CCDC102B: variants seen among roughly 807,000 people sequenced by gnomAD.
CCDC102B encodes coiled-coil domain containing 102B.
Under a neutral mutation model 57.4 loss-of-function variants are expected in CCDC102B, and 75 were observed. The ratio of observed to expected loss-of-function variants is 1.31; its 90% CI spans 1.08 to 1.58. The LOEUF (loss-of-function observed/expected upper bound fraction) is 1.58. Among genes scored for constraint, CCDC102B ranks in the 40% most tolerant of loss-of-function variants. The pLI is 0.00. For synonymous variants in CCDC102B, 206 were observed against 201.9 expected (o/e 1.02, Z -0.17); for missense variants, 636 against 582.6 (o/e 1.09, Z -0.94).
chr18:68,820,988 G>GC (rs2062988059), intron 1 of CCDC102B, among the ~76,000 whole-genome samples: 1 of 152,134 alleles, frequency 6.6e-6, no homozygotes, highest in Non-Finnish European at 1.5e-5. Context: ...GAAATAGACT[G>GC]CCTCATTTCT....
At chr18:68,818,781 A>C (rs2036587411) in intron 1 of CCDC102B, among the ~76,000 whole-genome samples, 1 of 152,162 alleles carries the variant, frequency 6.6e-6, no homozygotes. Context: ...AGATACATTC[A>C]ATTTTGAGCA....
intron 6 of CCDC102B, among the ~76,000 whole-genome samples, chr18:68,899,606 A>G (rs187524995): frequency 2.6e-5 from 4 of 152,212 alleles, no homozygotes; most frequent in Admixed American, 2.6e-4. Flanking sequence ...ATCTCTTACT[A>G]CATGACATTT....
At chr18:68,858,835 A>T (rs2038603963) in intron 4 of CCDC102B, 1 of 152,144 alleles carries the variant, frequency 6.6e-6, no homozygotes, top group African/African-American at 2.4e-5. Flanking sequence ...TATTTCTGGG[A>T]TATAAAACTG....
upstream of CCDC102B, among the ~76,000 whole-genome samples, chr18:68,793,149 C>G (rs1376765683): frequency 6.6e-6 from 1 of 152,122 alleles, no homozygotes; most frequent in Non-Finnish European, 1.5e-5. Flanking sequence ...CAGTTGTAAT[C>G]TATGATTTCA....
intron 4 of CCDC102B, among the ~76,000 whole-genome samples, chr18:68,870,727 G>T (rs1599606537): frequency 6.6e-6 from 1 of 152,222 alleles, no homozygotes; most frequent in East Asian, 1.9e-4. Flanking sequence ...TGGTGTTCGG[G>T]GAGATTGAAT....
At chr18:68,959,063 T>A (rs2049980622) in intron 6 of CCDC102B, among the ~76,000 whole-genome samples, 1 of 152,176 alleles carries the variant, frequency 6.6e-6, no homozygotes, top group Admixed American at 6.5e-5. Flanking sequence ...ATGCTGTTGA[T>A]GTTCATCAGT....
At chr18:68,841,102 C>T (rs1478697596) in intron 3 of CCDC102B, among the ~76,000 whole-genome samples, 1 of 152,162 alleles carries the variant, frequency 6.6e-6, no homozygotes, top group Non-Finnish European at 1.5e-5. Context: ...TTTTTTCTAT[C>T]ACAAGAGAAC....
At chr18:68,974,485 C>G (rs1424069870) in intron 6 of CCDC102B, among the ~76,000 whole-genome samples, 1 of 151,994 alleles carries the variant, frequency 6.6e-6, no homozygotes, top group Non-Finnish European at 1.5e-5. Context: ...ATTTTAATAT[C>G]TGTCCACCTT....
At chr18:68,825,488 G>A (rs1299920210) in intron 1 of CCDC102B, among the ~76,000 whole-genome samples, 1 of 152,068 alleles carries the variant, frequency 6.6e-6, no homozygotes, top group Non-Finnish European at 1.5e-5. Context: ...CCAGGAGTTG[G>A]AGACCAGCAT....
chr18:68,743,969 G>T (rs2033514782), intron 2 of CCDC102B, among the ~76,000 whole-genome samples: 1 of 152,082 alleles, frequency 6.6e-6, no homozygotes, highest in African/African-American at 2.4e-5. Flanking sequence ...TTTTATTTTG[G>T]ATTTAAATTC....
intron 6 of CCDC102B, among the ~76,000 whole-genome samples, chr18:68,901,465 T>C (rs1255478093): frequency 2.0e-5 from 3 of 152,132 alleles, no homozygotes; most frequent in Non-Finnish European, 4.4e-5. Context: ...CAGGGGTCTC[T>C]GGCTTACATG....
Position 68,738,993 on chromosome 18 carries a change from C to CTTTTTTTTTTTTTTTTTTTT in CCDC102B, c.-67+22403_-67+22404insTTTTTTTTTTTTTTTTTTTT, listed in dbSNP as rs201214278. The stretch of plus-strand genomic sequence containing the variant: ...GGCCATTGGACTGTAGATGAGCAGC[C>CTTTTTTTTTTTTTTTTTTTT]TTTTGTTTTTTTTTTTTTTAGACCA... On this transcript the variant is annotated intron_variant, in intron 2 of 3. Transcript: ENST00000578970. Among the ~76,000 whole-genome samples the CTTTTTTTTTTTTTTTTTTTT allele has an allele frequency of 2.2e-4, 32 of 145,014 alleles. 2 individuals carry two copies. The highest frequency in any genetic ancestry group is 3.6e-3 in the Middle Eastern group (1 of 280).
At chr18:68,780,421 C>T (rs999112784) in intron 2 of CCDC102B, among the ~76,000 whole-genome samples, 5 of 150,658 alleles carry the variant, frequency 3.3e-5, no homozygotes, top group Non-Finnish European at 7.4e-5. Context: ...ATTTTGCATT[C>T]CTCCCATCAA....
At chr18:68,865,868 T>C (rs1239770005) in intron 4 of CCDC102B, among the ~76,000 whole-genome samples, 1 of 152,162 alleles carries the variant, frequency 6.6e-6, no homozygotes, top group East Asian at 1.9e-4. Flanking sequence ...ATTTTGATAT[T>C]AGTTAAAAAT....
At chr18:69,052,055 GA>G (rs5825900) in intron 7 of CCDC102B, among the ~76,000 whole-genome samples, 118,082 of 150,788 alleles carry the variant, frequency 0.78, 50,104 homozygotes, top group Non-Finnish European at 0.95. Context: ...TCTCTTAAAT[GA>G]AAAAAAAATG....
At chr18:69,057,316 T>C (rs2052833650), downstream of CCDC102B, among the ~76,000 whole-genome samples, 1 of 152,056 alleles carries the variant, frequency 6.6e-6, no homozygotes, top group African/African-American at 2.4e-5. Flanking sequence ...TTCTGTTGGT[T>C]TTCTGAGTTT....
In CCDC102B at chr18:68,876,693, A is replaced by G. The variant is rs1015574366; in HGVS notation, c.1053+1908A>G. On this transcript the variant is annotated intron_variant, in intron 5 of 7. Coordinates refer to ENST00000360242, the MANE Select transcript of CCDC102B (RefSeq NM_024781.3). ...TTTGGAGCAGGATATTGAGGAATGA[A>G]AGCAGGTTAATTCAGAAGACTGTTA... Among the ~76,000 whole-genome samples the G allele has an allele frequency of 6.6e-5, 10 of 152,282 alleles. No individual in the cohort carries two copies. The East Asian group carries it at 1.5e-3, about 24-fold the overall frequency.
intron 6 of CCDC102B, among the ~76,000 whole-genome samples, chr18:68,959,564 G>T (rs1033676570): frequency 1.3e-5 from 2 of 152,048 alleles, no homozygotes; most frequent in Non-Finnish European, 2.9e-5. Context: ...TGCAACTCTA[G>T]CCAGGCTTGT....
chr18:68,874,437 A>G (rs1242195784), intron 4 of CCDC102B, among the ~76,000 whole-genome samples: 1 of 149,522 alleles, frequency 6.7e-6, no homozygotes, highest in Non-Finnish European at 1.5e-5. Flanking sequence ...CAACTGATAA[A>G]TTGGGATTTA....
Sources: gnomAD v4.1 joint callset for allele counts (sites outside exome capture counted in the v4.1 genomes callset) on GRCh38, gnomAD v4.1.1 for gene constraint, MANE v1.5 for transcripts, NCBI Gene and HGNC (gene_info 2026-07-23, HGNC 2026-07-21) for gene names.